The following ESYT2 variants were observed in gnomAD, a reference collection of about 807,000 sequenced individuals.
The protein encoded by ESYT2 is extended synaptotagmin 2.
Under a neutral mutation model 107.2 loss-of-function variants are expected in ESYT2, and 54 were observed. That is an observed-to-expected ratio of 0.50 (90% CI 0.40 to 0.63). The LOEUF is 0.63. Ranked by LOEUF, ESYT2 falls within the 30% of genes least tolerant of loss-of-function variation. The pLI is 0.00. For synonymous variants in ESYT2, 491 were observed against 434.1 expected (o/e 1.13, Z -1.63); for missense variants, 1,020 against 1,094.5 (o/e 0.93, Z 0.96).
chr7:158,806,219 T>C (rs1157560354), intron 1 of ESYT2, among the ~76,000 whole-genome samples: 2 of 151,698 alleles, frequency 1.3e-5, no homozygotes, highest in African/African-American at 2.4e-5. Context: ...TTTGCAACAC[T>C]TCATCACTAT....
chr7:158,738,960 T>G (rs997157861), intron 19 of ESYT2, 63 bp downstream of exon 19: 1 of 1,487,472 alleles, frequency 6.7e-7, no homozygotes, highest in African/African-American at 1.4e-5. Flanking sequence ...GGTGTCTACA[T>G]CATCCTATCC....
At chr7:158,757,640 T>C (rs1837808318) in intron 13 of ESYT2, among the ~76,000 whole-genome samples, 1 of 152,250 alleles carries the variant, frequency 6.6e-6, no homozygotes, top group African/African-American at 2.4e-5. Context: ...GGGACGCCCC[T>C]TAATCCCGCG....
intron 1 of ESYT2, among the ~76,000 whole-genome samples, chr7:158,820,159 A>G (rs1224220785): frequency 1.3e-5 from 2 of 152,248 alleles, no homozygotes; most frequent in Admixed American, 6.5e-5. Context: ...TCTTTTAAAT[A>G]TATTTTTTCT....
chr7:158,793,829 C>G (rs1839380371), intron 3 of ESYT2, 103 bp from the exon 4 acceptor site: 15 of 911,482 alleles, frequency 1.6e-5, no homozygotes, highest in Non-Finnish European at 2.3e-5. Context: ...AAATTTCAGA[C>G]TACAACAGGA....
Position 158,797,916 on chromosome 7 carries a change from G to A in ESYT2, c.507+26C>T, listed in dbSNP as rs759388186. The A allele has an allele frequency of 1.4e-5, 22 of 1,608,552 alleles. No individual in the cohort carries two copies. The East Asian group carries it at 2.7e-4, about 20-fold the overall frequency. On this transcript the variant is annotated intron_variant, in intron 3 of 22. Transcript: ENST00000275418. ...TTCACAGCAATCTGACTGTGTGCAC[G>A]TGAGGATACTTAAGAGAACACTGAC...
intron 4 of ESYT2, among the ~76,000 whole-genome samples, chr7:158,790,729 C>A (rs909491316): frequency 1.6e-4 from 25 of 152,100 alleles, no homozygotes; most frequent in Non-Finnish European, 2.9e-4. Flanking sequence ...GAGTTTTAGA[C>A]CAGCCTGGCC....
At chr7:158,792,160 CTT>C (rs113589859) in intron 4 of ESYT2, among the ~76,000 whole-genome samples, 9 of 123,306 alleles carry the variant, frequency 7.3e-5, no homozygotes, top group Admixed American at 2.4e-4. Context: ...TCCACGAGTT[CTT>C]TTTTTTTTTT....
At chr7:158,807,175 C>T (rs558924525) in intron 1 of ESYT2, among the ~76,000 whole-genome samples, 22 of 145,726 alleles carry the variant, frequency 1.5e-4, no homozygotes, top group Non-Finnish European at 2.1e-4. Flanking sequence ...GGCATGAACC[C>T]GGGAGGCAGG....
At chr7:158,753,285 G>A (rs1372089562) in intron 13 of ESYT2, among the ~76,000 whole-genome samples, 1 of 152,196 alleles carries the variant, frequency 6.6e-6, no homozygotes, top group Non-Finnish European at 1.5e-5. Flanking sequence ...TCCTGGAACC[G>A]CCGCTGAGAC....
At chr7:158,747,483 A>G (rs947944875) in intron 16 of ESYT2, among the ~76,000 whole-genome samples, 2 of 152,178 alleles carry the variant, frequency 1.3e-5, no homozygotes, top group African/African-American at 4.8e-5. Context: ...ACCGTAAAAA[A>G]GCATAAAAAG....
chr7:158,739,014 A>C lies in ESYT2; in HGVS notation c.2267+9T>G. 1 of 1,613,100 alleles carries C rather than the reference A, an allele frequency of 6.2e-7. No homozygotes were observed. Among genetic ancestry groups the C allele is most frequent in the Non-Finnish European group, 8.5e-7 (1 of 1,179,184 alleles). On this transcript the variant is annotated intron_variant, in intron 19 of 22. Coordinates refer to ENST00000275418, the MANE Select transcript of ESYT2 (RefSeq NM_001367773.1). ...CACAGCAGCGGGCGCGTGGGACCCC[A>C]GCCCCCACCTGCAGGCATGCACGAC...
rs74303880 is a variant in ESYT2, at chr7:158,756,603, G to A, written c.1419+2883C>T. Reference sequence around the variant, plus strand: ...AGAAGGCCCTAGTTCTGACTCTTGCGTGTTTGATCAGGAAGGGATAATAGG... The same window carrying A: ...AGAAGGCCCTAGTTCTGACTCTTGCATGTTTGATCAGGAAGGGATAATAGG... On this transcript the variant is annotated intron_variant, in intron 13 of 22. Coordinates refer to ENST00000275418, the MANE Select transcript of ESYT2 (RefSeq NM_001367773.1). 4.8e-3 allele frequency among the ~76,000 whole-genome samples: 735 copies of A among 152,110 alleles called. 6 individuals are homozygous for A. Among genetic ancestry groups the A allele is most frequent in the African/African-American group, 0.015 (639 of 41,476 alleles).
chr7:158,749,321 A>G (rs572262934), intron 15 of ESYT2, among the ~76,000 whole-genome samples: 2 of 152,130 alleles, frequency 1.3e-5, no homozygotes, highest in East Asian at 1.9e-4. Flanking sequence ...GTTTCACCGT[A>G]TTGGCCAGGC....
chr7:158,828,915 G>A (rs966050249), intron 1 of ESYT2, among the ~76,000 whole-genome samples, 174 bp downstream of exon 1: 1 of 147,504 alleles, frequency 6.8e-6, no homozygotes, highest in Non-Finnish European at 1.5e-5. Flanking sequence ...CCAGGCGGAA[G>A]GGAAGCGCCT....
chr7:158,812,835 C>G (rs983190796), intron 1 of ESYT2, among the ~76,000 whole-genome samples: 1 of 152,158 alleles, frequency 6.6e-6, no homozygotes, highest in African/African-American at 2.4e-5. Flanking sequence ...TAAAAGATCA[C>G]ACACATATTA....
intron 6 of ESYT2, among the ~76,000 whole-genome samples, chr7:158,781,390 T>C (rs1584839017): frequency 2.0e-5 from 3 of 148,986 alleles, no homozygotes; most frequent in Middle Eastern, 7.8e-3. Context: ...GAACGAGTGT[T>C]GAGAACAAAG....
intron 6 of ESYT2, among the ~76,000 whole-genome samples, chr7:158,784,247 A>G (rs967201981): frequency 6.6e-6 from 1 of 152,248 alleles, no homozygotes; most frequent in Admixed American, 6.5e-5. Flanking sequence ...ACTCCCAGTT[A>G]CTAACGTGTG....
intron 21 of ESYT2, 86 bp downstream of exon 21, chr7:158,735,417 A>G: frequency 8.8e-7 from 1 of 1,131,506 alleles, no homozygotes. Flanking sequence ...TTCCACTTAC[A>G]CAGACATGGT....
chr7:158,782,946 G>A lies in ESYT2; in HGVS notation c.747+5058C>T, dbSNP rs137932907. ...CTGAGGTCCACATGAGGGCACCGTG[G>A]AGAAGCCACCAGCAGGGCCCGATAA... On this transcript the variant is annotated intron_variant, in intron 6 of 22. Coordinates refer to ENST00000275418, the MANE Select transcript of ESYT2 (RefSeq NM_001367773.1). Among the ~76,000 whole-genome samples, 413 of 152,328 alleles carry A rather than the reference G, an allele frequency of 2.7e-3. 2 individuals are homozygous for A. The highest frequency in any genetic ancestry group is 9.6e-3 in the African/African-American group (398 of 41,578).
Sources: gnomAD v4.1 joint callset for allele counts (sites outside exome capture counted in the v4.1 genomes callset) on GRCh38, gnomAD v4.1.1 for gene constraint, MANE v1.5 for transcripts, NCBI Gene and HGNC (gene_info 2026-07-23, HGNC 2026-07-21) for gene names.